MBP: variants seen among roughly 807,000 people sequenced by gnomAD.
The protein encoded by MBP is Golli-MBP.
MBP carries 16 observed loss-of-function variants against 35.8 expected under a neutral mutation model. The ratio of observed to expected loss-of-function variants is 0.45; its 90% confidence interval spans 0.30 to 0.68. MBP has a LOEUF of 0.68. MBP is among the 30% of genes least tolerant of loss of function. MBP has a pLI of 0.08. For synonymous variants in MBP, 143 were observed against 159.6 expected, an observed-to-expected ratio of 0.90 and a Z score of 0.78; for missense variants, 380 against 404.7, an observed-to-expected ratio of 0.94 and a Z score of 0.52.
chr18:77,104,280 A>G (rs1283420826), intron 2 of MBP, among the ~76,000 whole-genome samples: 2 of 152,200 alleles, frequency 1.3e-5, no homozygotes, highest in African/African-American at 4.8e-5. Flanking sequence ...AGAGCTTTGA[A>G]AAATGCCCAC....
At chr18:77,075,766 A>G (rs2144877311) in intron 2 of MBP, among the ~76,000 whole-genome samples, 1 of 152,288 alleles carries the variant, frequency 6.6e-6, no homozygotes, top group South Asian at 2.1e-4. Flanking sequence ...AAATGTGCAC[A>G]CCGCACTAAT....
At chr18:77,074,717 C>G (rs1433120585) in intron 2 of MBP, among the ~76,000 whole-genome samples, 2 of 152,134 alleles carry the variant, frequency 1.3e-5, no homozygotes, top group Non-Finnish European at 2.9e-5. Flanking sequence ...GAAATCGATT[C>G]CCAGACACAG....
Position 77,107,515 on chromosome 18 carries a change from G to GA in MBP, c.-25-2230dup, listed in dbSNP as rs1277814396. 2.0e-5 allele frequency among the ~76,000 whole-genome samples: 3 copies of GA among 152,184 alleles called. No individual in the cohort carries two copies. In the South Asian group the frequency reaches 6.2e-4, roughly 31 times the overall value. ...AGCTCCAAGGACTTGTCCCAAATCA[G>GA]AATAGTGTGGGCCATGTAAATATTT... On this transcript the variant is annotated intron_variant, in intron 1 of 8. Coordinates refer to ENST00000355994, the MANE Select transcript of MBP (RefSeq NM_001025101.2).
chr18:76,995,659 C>T (rs1424873088), intron 4 of MBP, among the ~76,000 whole-genome samples: 1 of 152,170 alleles, frequency 6.6e-6, no homozygotes, highest in African/African-American at 2.4e-5. Context: ...ACCACTTTAA[C>T]CCAATCCACA....
intron 2 of MBP, among the ~76,000 whole-genome samples, chr18:77,069,677 C>T (rs965734549): frequency 2.6e-5 from 4 of 152,164 alleles, no homozygotes; most frequent in Admixed American, 6.5e-5. Context: ...GATAACCTAG[C>T]GGCAGCCACT....
At chr18:77,059,062 C>G (rs1412241941) in intron 3 of MBP, among the ~76,000 whole-genome samples, 1 of 152,018 alleles carries the variant, frequency 6.6e-6, no homozygotes, top group South Asian at 2.1e-4. Flanking sequence ...AGCACGAGTT[C>G]GGGGAAAATA....
At position 77,084,411 on chromosome 18, in the gene MBP, G is replaced by GCCC. The variant is rs61631239; in HGVS notation, c.52-18029_52-18027dup. ...CCTGCAAAAAGACCATCACAACACC[G>GCCC]CCCCCCCCGCCACACCACACCACAC... On this transcript the variant is annotated intron_variant, in intron 2 of 8. Coordinates refer to ENST00000355994, the MANE Select transcript of MBP (RefSeq NM_001025101.2). Among the ~76,000 whole-genome samples, 114 of 73,492 alleles carry GCCC rather than the reference G, an allele frequency of 1.6e-3. 9 individuals carry two copies. The highest frequency in any genetic ancestry group is 9.6e-3 in the Admixed American group (62 of 6,474). 48.2% of individuals were successfully genotyped at this position (73,492 alleles called of 152,430 possible). A position where few individuals can be genotyped will look rare whatever the true frequency, so the allele number is the denominator to read the frequency against.
Position 76,979,609 on chromosome 18 carries a change from A to G in MBP, c.*818T>C, listed in dbSNP as rs982903884. ...GGTTTGGAAACGAGGTTGTTCATAG[A>G]GGCTGCTCTGGGGCCACCATGCAGG... On this transcript the variant is annotated 3_prime_UTR_variant, in exon 9 of 9. Transcript: ENST00000355994. The G allele has an allele frequency of 3.6e-5, 11 of 309,202 alleles. No homozygotes were observed. Among genetic ancestry groups the G allele is most frequent in the South Asian group, 3.1e-4 (8 of 25,460 alleles). The allele number at this position is 309,202 out of a possible 1,614,324, so 19.2% of individuals were successfully genotyped here.
rs956129916 is a variant in MBP, at chr18:76,988,743, G to A, written c.717+134C>T. ...ATGGATCTGCCGACCTGTTCTACTTGGGAGCTGCCTGGCAACACGTTTTGG... is the reference window on the plus strand; with the variant it reads ...ATGGATCTGCCGACCTGTTCTACTTAGGAGCTGCCTGGCAACACGTTTTGG... On this transcript the variant is annotated intron_variant, in intron 6 of 8. Coordinates refer to ENST00000355994, the MANE Select transcript of MBP (RefSeq NM_001025101.2). The surrounding 1 kb of genome is among the most constrained non-coding windows in gnomAD (Gnocchi z 5.2). 7 of 1,325,370 alleles carry A rather than the reference G, an allele frequency of 5.3e-6. No individual in the cohort carries two copies. The highest frequency in any genetic ancestry group is 7.3e-6 in the Non-Finnish European group (7 of 952,806). The allele number at this position is 1,325,370 out of a possible 1,614,324, so 82.1% of individuals were successfully genotyped here. A position where few individuals can be genotyped will look rare whatever the true frequency, so the allele number is the denominator to read the frequency against.
At chr18:76,990,969 A>C (rs1323603661) in intron 4 of MBP, 4 of 251,806 alleles carry the variant, frequency 1.6e-5, no homozygotes, top group South Asian at 1.3e-4. Flanking sequence ...GGGGGATTCC[A>C]TCTGAGATAG....
At chr18:77,122,469 CAGTGGAGGCCA>C (rs1032145749) in intron 1 of MBP, among the ~76,000 whole-genome samples, 1 of 152,172 alleles carries the variant, frequency 6.6e-6, no homozygotes, top group Admixed American at 6.5e-5. Context: ...GCTCCCGGGA[CAGTGGAGGCCA>C]AGTGGGAAGT....
chr18:77,069,462 G>T (rs140350616), intron 2 of MBP, among the ~76,000 whole-genome samples: 4 of 152,144 alleles, frequency 2.6e-5, no homozygotes, highest in African/African-American at 9.7e-5. Flanking sequence ...AGCTACCGTC[G>T]TTATTGATCA....
At chr18:77,009,794 A>G in intron 4 of MBP, 2 of 1,447,734 alleles carry the variant, frequency 1.4e-6, no homozygotes, top group South Asian at 1.2e-5. Context: ...CTGAGAGCTC[A>G]GGAAACGGCA....
intron 3 of MBP, among the ~76,000 whole-genome samples, chr18:77,051,007 C>T (rs557435709): frequency 1.3e-5 from 2 of 151,942 alleles, no homozygotes; most frequent in East Asian, 3.9e-4. Flanking sequence ...TAATGAAGAC[C>T]CCAGGAAAAA....
At chr18:77,062,300 C>T (rs1290380558) in intron 3 of MBP, among the ~76,000 whole-genome samples, 1 of 152,182 alleles carries the variant, frequency 6.6e-6, no homozygotes, top group Non-Finnish European at 1.5e-5. Flanking sequence ...TGCCTTCCTT[C>T]CCGCCTGGTT....
At chr18:76,998,413 C>T (rs905565423) in intron 4 of MBP, among the ~76,000 whole-genome samples, 1 of 152,238 alleles carries the variant, frequency 6.6e-6, no homozygotes, top group South Asian at 2.1e-4. Flanking sequence ...CATCCATTCA[C>T]CCTTCCGGGG....
At chr18:77,091,720 T>G (rs376920127) in intron 2 of MBP, among the ~76,000 whole-genome samples, 35 of 148,016 alleles carry the variant, frequency 2.4e-4, no homozygotes, top group African/African-American at 7.9e-4. Flanking sequence ...ACACACCACA[T>G]ACACACATAT....
At chr18:77,029,877 T>A (rs1972478935) in intron 3 of MBP, among the ~76,000 whole-genome samples, 1 of 152,068 alleles carries the variant, frequency 6.6e-6, no homozygotes. Flanking sequence ...CGGAAACTAA[T>A]AATTTTCCTG....
At chr18:77,007,281 AG>A (rs1299113640) in intron 4 of MBP, among the ~76,000 whole-genome samples, 1 of 152,174 alleles carries the variant, frequency 6.6e-6, no homozygotes, top group Non-Finnish European at 1.5e-5. Context: ...CTAACTCAAA[AG>A]CTCCTTCTCA....
Sources: gnomAD v4.1 joint callset for allele counts (sites outside exome capture counted in the v4.1 genomes callset) on GRCh38, gnomAD v4.1.1 for gene constraint, Gnocchi (gnomAD v3.1) non-coding constraint, MANE v1.5 for transcripts, NCBI Gene and HGNC (gene_info 2026-07-23, HGNC 2026-07-21) for gene names.